C6orf163: variants seen among roughly 807,000 people sequenced by gnomAD.
C6orf163 encodes the protein chromosome 6 open reading frame 163, also known as uncharacterized protein C6orf163.
A neutral mutation model predicts 28.4 loss-of-function variants in C6orf163; 22 were observed. That is an observed-to-expected ratio of 0.78 (90% confidence interval 0.55 to 1.11). The LOEUF (loss-of-function observed/expected upper bound fraction) is 1.11. C6orf163 is among the 50% of genes least tolerant of loss of function. The pLI, the probability that C6orf163 is intolerant of heterozygous loss-of-function variation, is 0.00. For synonymous variants in C6orf163, 110 were observed against 123.6 expected (o/e 0.89, Z 0.73); for missense variants, 342 against 389.1 (o/e 0.88, Z 1.02).
intron 1 of C6orf163, chr6:87,347,188 C>G (rs1017465323): frequency 6.3e-6 from 1 of 158,304 alleles, no homozygotes; most frequent in Non-Finnish European, 1.4e-5. Context: ...ATAATTTTAT[C>G]ACTGAGAATG....
chr6:87,345,903 C>T (rs562800831), intron 1 of C6orf163, among the ~76,000 whole-genome samples: 14 of 103,440 alleles, frequency 1.4e-4, no homozygotes, highest in African/African-American at 4.5e-4. Flanking sequence ...GGTGACAGAG[C>T]GAGACTCTGC....
intron 3 of C6orf163, among the ~76,000 whole-genome samples, chr6:87,355,644 C>T (rs1377245734): frequency 6.6e-6 from 1 of 152,152 alleles, no homozygotes; most frequent in Non-Finnish European, 1.5e-5. Context: ...TGTTATATTT[C>T]TACATATTGT....
intron 4 of C6orf163, chr6:87,358,252 A>G (rs753574468): frequency 3.3e-5 from 5 of 151,860 alleles, no homozygotes; most frequent in Non-Finnish European, 7.4e-5. Context: ...CGTTTTGTGG[A>G]TTGAGGTGAT....
intron 4 of C6orf163, among the ~76,000 whole-genome samples, chr6:87,363,052 T>C (rs1336275767): frequency 6.6e-6 from 1 of 152,166 alleles, no homozygotes; most frequent in Non-Finnish European, 1.5e-5. Flanking sequence ...CTGAGCTCAA[T>C]GTCTTCTTCA....
chr6:87,365,351 A>G lies in C6orf163; in HGVS notation c.945A>G (p.Thr315=), dbSNP rs1247774057. 2 of 1,550,154 alleles carry G rather than the reference A, an allele frequency of 1.3e-6. No individual in the cohort carries two copies. Among genetic ancestry groups the G allele is most frequent in the Admixed American group, 3.9e-5 (2 of 50,702 alleles). ...ADFILPERKK[T]PSNLVIKENK... Reference sequence around the variant, plus strand: ...TTATTCTGCCAGAAAGAAAGAAAACACCTTCTAATCTTGTTATTAAGGAGA... The same window carrying G: ...TTATTCTGCCAGAAAGAAAGAAAACGCCTTCTAATCTTGTTATTAAGGAGA... The change falls in exon 5 of 5, where the codon ACA becomes ACG. Residue 315 remains threonine (T), a synonymous_variant. Coordinates refer to ENST00000388923, the MANE Select transcript of C6orf163 (RefSeq NM_001010868.3).
intron 4 of C6orf163, among the ~76,000 whole-genome samples, chr6:87,361,077 T>A (rs1279075907): frequency 2.6e-5 from 4 of 151,982 alleles, no homozygotes; most frequent in Non-Finnish European, 5.9e-5. Flanking sequence ...GGTAGGAGGA[T>A]CACTTGAGTC....
At chr6:87,350,360 A>G (rs1445327618) in intron 2 of C6orf163, 34 bp from the exon 3 acceptor site, 5 of 1,301,858 alleles carry the variant, frequency 3.8e-6, no homozygotes, top group South Asian at 1.3e-5. Flanking sequence ...TTATTCTGAT[A>G]CATTAATAGA....
chr6:87,349,001 C>T, intron 2 of C6orf163, 95 bp downstream of exon 2: 1 of 1,431,976 alleles, frequency 7.0e-7, no homozygotes, highest in Admixed American at 2.5e-5. Flanking sequence ...GTAGTCAGAA[C>T]TGACTGAATC....
intron 1 of C6orf163, among the ~76,000 whole-genome samples, chr6:87,345,584 A>G (rs1777310042): frequency 6.6e-6 from 1 of 152,162 alleles, no homozygotes; most frequent in African/African-American, 2.4e-5. Context: ...GCCATACTTG[A>G]GCACCTTTCA....
At chr6:87,346,884 AC>A (rs1448170465) in intron 1 of C6orf163, among the ~76,000 whole-genome samples, 1 of 152,208 alleles carries the variant, frequency 6.6e-6, no homozygotes, top group Non-Finnish European at 1.5e-5. Flanking sequence ...GTTCCCCTGT[AC>A]CCTTCATCCA....
chr6:87,345,175 G>A lies in C6orf163; in HGVS notation c.76G>A (p.Gly26Arg). ...TAAAATAATTCCACCAGCCCCTTTTGGAAAAACCTTCAAACGGATCCATGA... is the reference window on the plus strand; with the variant it reads ...TAAAATAATTCCACCAGCCCCTTTTAGAAAAACCTTCAAACGGATCCATGA... ...CNKIIPPAPF[G>R]KTFKRIHEYK... Residue 26 changes from glycine (G) to arginine (R), a missense_variant, in exon 1 of 5, where the codon GGA becomes AGA. Physicochemically the swap from Gly to Arg is moderately radical, Grantham distance 125. Coordinates refer to ENST00000388923, the MANE Select transcript of C6orf163 (RefSeq NM_001010868.3). The A allele has an allele frequency of 6.5e-7, 1 of 1,536,500 alleles. No individual in the cohort carries two copies. The highest frequency in any genetic ancestry group is 8.7e-7 in the Non-Finnish European group (1 of 1,146,650).
chr6:87,356,623 A>C, intron 4 of C6orf163, 120 bp downstream of exon 4: 2 of 827,324 alleles, frequency 2.4e-6, no homozygotes, highest in Non-Finnish European at 3.8e-6. Context: ...TTACATTTTT[A>C]TTATGGAAAA....
chr6:87,356,446 A>G lies in C6orf163; in HGVS notation c.497A>G (p.Glu166Gly), dbSNP rs1438713654. 1 of 1,551,716 alleles carries G rather than the reference A, an allele frequency of 6.4e-7. No individual in the cohort carries two copies. The highest frequency in any genetic ancestry group is 8.7e-7 in the Non-Finnish European group (1 of 1,147,020). Reference protein sequence around the residue: ...ECHREKVEAVEKARAEERHIA... With the variant: ...ECHREKVEAVGKARAEERHIA... ...CACAGAGAGAAGGTCGAAGCTGTGGAGAAAGCCAGGGCTGAAGAAAGACAC... is the reference window on the plus strand; with the variant it reads ...CACAGAGAGAAGGTCGAAGCTGTGGGGAAAGCCAGGGCTGAAGAAAGACAC... Residue 166 changes from glutamate to glycine, a missense_variant, in exon 4 of 5, where the codon GAG (glutamate) becomes GGG (glycine). Glu to Gly is a moderately conservative substitution (Grantham distance 98). Transcript: ENST00000388923.
At chr6:87,363,336 T>C (rs953030198) in intron 4 of C6orf163, among the ~76,000 whole-genome samples, 1 of 151,318 alleles carries the variant, frequency 6.6e-6, no homozygotes, top group African/African-American at 2.4e-5. Context: ...TTTTTTTTTT[T>C]CCAAATTTTT....
At chr6:87,352,009 T>C (rs568476819) in intron 3 of C6orf163, among the ~76,000 whole-genome samples, 1 of 152,320 alleles carries the variant, frequency 6.6e-6, no homozygotes, top group South Asian at 2.1e-4. Flanking sequence ...AATGTTATTG[T>C]ACCCCACGCA....
At chr6:87,347,690 T>C (rs890727223) in intron 1 of C6orf163, 3 of 985,388 alleles carry the variant, frequency 3.0e-6, no homozygotes, top group Non-Finnish European at 3.6e-6. Context: ...TTGACTCTTT[T>C]AACAGAGAAA....
In C6orf163 at chr6:87,365,278, A is replaced by G; in HGVS notation, c.872A>G (p.Lys291Arg). The G allele has an allele frequency of 6.4e-7, 1 of 1,551,712 alleles. No individual in the cohort carries two copies. Among genetic ancestry groups the G allele is most frequent in the Non-Finnish European group, 8.7e-7 (1 of 1,146,982 alleles). ...CAGGAAACCAGGATGGCATTTCAAA[A>G]ATACATCAATTATACCTTTCCTAAG... ...ELQETRMAFQ[K>R]YINYTFPKLS... The change falls in exon 5 of 5, where the codon AAA (lysine) becomes AGA (arginine). Residue 291 changes from lysine (K) to arginine (R), a missense_variant. By Grantham distance (26) the Lys-to-Arg change is conservative. Transcript: ENST00000388923.
At chr6:87,364,897 A>T (rs1777623748) in intron 4 of C6orf163, 64 bp from the exon 5 acceptor site, 1 of 1,252,592 alleles carries the variant, frequency 8.0e-7, no homozygotes, top group African/African-American at 1.5e-5. Context: ...GCGTTTAAAG[A>T]TGAAATTATT....
chr6:87,359,661 A>C (rs1217116902), intron 4 of C6orf163, among the ~76,000 whole-genome samples: 3 of 152,206 alleles, frequency 2.0e-5, no homozygotes, highest in Non-Finnish European at 4.4e-5. Flanking sequence ...TTTCCCTATT[A>C]GTTAAGATTG....
Sources: allele counts gnomAD v4.1 joint callset (sites outside exome capture counted in the v4.1 genomes callset), GRCh38; gene constraint gnomAD v4.1.1; transcripts MANE v1.5; gene names NCBI Gene and HGNC (gene_info 2026-07-23, HGNC 2026-07-21).